SLC14A2: variants seen among roughly 807,000 people sequenced by gnomAD.
SLC14A2 encodes the protein urea transporter 2.
Under a neutral mutation model 104.6 loss-of-function variants are expected in SLC14A2, and 91 were observed. The ratio of observed to expected loss-of-function variants is 0.87; its 90% confidence interval spans 0.73 to 1.04. The LOEUF (loss-of-function observed/expected upper bound fraction) is 1.04. Among genes scored for constraint, SLC14A2 ranks in the 50% least tolerant of loss-of-function variants. SLC14A2 has a pLI of 0.00. For missense variants in SLC14A2, 1,189 were observed against 1,156.0 expected (o/e 1.03, Z -0.41); for synonymous variants, 476 against 466.4 (o/e 1.02, Z -0.27).
At chr18:45,534,637 G>A (rs557208160) in intron 2 of SLC14A2, among the ~76,000 whole-genome samples, 1 of 152,270 alleles carries the variant, frequency 6.6e-6, no homozygotes, top group South Asian at 2.1e-4. Flanking sequence ...ACATTTTACA[G>A]ATGCTCACTC....
At chr18:45,250,253 C>G (rs2084407507) in intron 1 of SLC14A2, among the ~76,000 whole-genome samples, 1 of 152,192 alleles carries the variant, frequency 6.6e-6, no homozygotes, top group Non-Finnish European at 1.5e-5. Context: ...AGCATTAGGT[C>G]CAGTTTGACT....
intron 1 of SLC14A2, among the ~76,000 whole-genome samples, chr18:45,414,763 T>A (rs376833245): frequency 0.049 from 1,646 of 33,730 alleles, 35 homozygotes; most frequent in African/African-American, 0.084. Flanking sequence ...AAAAAATATA[T>A]ATATATATAT....
intron 2 of SLC14A2, among the ~76,000 whole-genome samples, chr18:45,544,786 CTT>C (rs71373715): frequency 0.067 from 5,885 of 88,480 alleles, 52 homozygotes; most frequent in East Asian, 0.16. Context: ...TCAATAATGT[CTT>C]TTTTTTTTTT....
At chr18:45,404,485 C>A (rs1055417828) in intron 1 of SLC14A2, among the ~76,000 whole-genome samples, 2 of 152,154 alleles carry the variant, frequency 1.3e-5, no homozygotes, top group Admixed American at 1.3e-4. Context: ...TTACTTCATA[C>A]CTGCTAGAAT....
chr18:45,487,830 C>A (rs575701706), intron 2 of SLC14A2, among the ~76,000 whole-genome samples: 48 of 152,216 alleles, frequency 3.2e-4, no homozygotes, highest in African/African-American at 1.1e-3. Flanking sequence ...CCACATCAAG[C>A]AGTCACAGGA....
intron 1 of SLC14A2, among the ~76,000 whole-genome samples, chr18:45,218,090 C>G (rs1009901009): frequency 6.6e-5 from 10 of 152,160 alleles, no homozygotes; most frequent in African/African-American, 2.4e-4. Flanking sequence ...TAAGCACATT[C>G]ACATTGTTGT....
intron 1 of SLC14A2, among the ~76,000 whole-genome samples, chr18:45,347,656 AT>A (rs371954805): frequency 6.6e-5 from 10 of 152,310 alleles, no homozygotes; most frequent in African/African-American, 2.2e-4. Flanking sequence ...CTAAGTCTTT[AT>A]ATTGGAAGGT....
chr18:45,431,977 A>G (rs1202723173), intron 1 of SLC14A2, among the ~76,000 whole-genome samples: 8 of 152,178 alleles, frequency 5.3e-5, no homozygotes, highest in African/African-American at 1.9e-4. Context: ...AGGCAGTACA[A>G]TGGCAGAACT....
chr18:45,652,949 T>G (rs755388258), intron 10 of SLC14A2, among the ~76,000 whole-genome samples: 8 of 152,048 alleles, frequency 5.3e-5, no homozygotes, highest in African/African-American at 7.2e-5. Context: ...CTTTTCAAAT[T>G]AATGACATAT....
At chr18:45,223,976 T>C (rs1028498095) in intron 1 of SLC14A2, among the ~76,000 whole-genome samples, 2 of 152,236 alleles carry the variant, frequency 1.3e-5, no homozygotes, top group African/African-American at 4.8e-5. Context: ...CCTTTGATTT[T>C]ATTCCCCTCC....
chr18:45,570,088 G>A (rs2543026), intron 2 of SLC14A2, among the ~76,000 whole-genome samples: 54,046 of 152,064 alleles, frequency 0.36, 9,798 homozygotes, highest in African/African-American at 0.38. Flanking sequence ...GCAAGTGTGT[G>A]GCATTGAGGG....
At chr18:45,247,371 A>T (rs1329712139) in intron 1 of SLC14A2, among the ~76,000 whole-genome samples, 1 of 152,236 alleles carries the variant, frequency 6.6e-6, no homozygotes, top group Admixed American at 6.5e-5. Context: ...AGAAATGCTG[A>T]TAAGGAGAGT....
rs746628050 is a variant in SLC14A2 at position 45,641,294 on chromosome 18, C to T, written c.1077C>T (p.Gly359=). ...TCCTCTCCTGCATCGCCATCGGAGG[C>T]ATGTTCTATGCCCTCACCTGGCAGA... ...NCVLSCIAIG[G]MFYALTWQTH... is the part of the protein sequence containing the mutation. Residue 359 remains glycine (G), a synonymous_variant, in exon 8 of 20, where the codon GGC becomes GGT. Coordinates refer to ENST00000255226, the MANE Select transcript of SLC14A2 (RefSeq NM_007163.4). 1.2e-5 allele frequency: 20 copies of T among 1,614,098 alleles called. No homozygotes were observed. Among genetic ancestry groups the T allele is most frequent in the Admixed American group, 1.7e-5 (1 of 60,006 alleles).
intron 2 of SLC14A2, among the ~76,000 whole-genome samples, chr18:45,522,285 C>A (rs1449393232): frequency 6.6e-6 from 1 of 152,148 alleles, no homozygotes; most frequent in Non-Finnish European, 1.5e-5. Flanking sequence ...GCCTTGCTAT[C>A]CAAAACAGCT....
intron 2 of SLC14A2, among the ~76,000 whole-genome samples, chr18:45,567,230 A>AC (rs1405995842): frequency 1.3e-5 from 2 of 151,760 alleles, no homozygotes; most frequent in Non-Finnish European, 2.9e-5. Flanking sequence ...GCCAACGCCC[A>AC]CCCCCACCAT....
At chr18:45,581,090 A>G (rs908143937) in intron 2 of SLC14A2, among the ~76,000 whole-genome samples, 2 of 152,200 alleles carry the variant, frequency 1.3e-5, no homozygotes, top group Admixed American at 6.5e-5. Context: ...TGCTTTCTCC[A>G]TGAATTGTCA....
intron 1 of SLC14A2, among the ~76,000 whole-genome samples, chr18:45,332,916 A>G (rs2085303799): frequency 6.6e-6 from 1 of 152,202 alleles, no homozygotes; most frequent in Non-Finnish European, 1.5e-5. Flanking sequence ...CGCCTTTGGG[A>G]GCAAATGCAG....
At chr18:45,371,817 A>G (rs1340206579) in intron 1 of SLC14A2, among the ~76,000 whole-genome samples, 1 of 152,218 alleles carries the variant, frequency 6.6e-6, no homozygotes, top group Admixed American at 6.5e-5. Flanking sequence ...TTTTCCAAAT[A>G]CTAAACTTTC....
At chr18:45,204,811 A>T in the SLC14A2 span, among the ~76,000 whole-genome samples, 4 of 26,876 alleles carry the variant, frequency 1.5e-4, no homozygotes, top group Admixed American at 5.3e-4. Flanking sequence ...TCACTGAGAT[A>T]AAAAAAAAAA....
Sources: allele counts gnomAD v4.1 joint callset (sites outside exome capture counted in the v4.1 genomes callset), GRCh38; gene constraint gnomAD v4.1.1; transcripts MANE v1.5; gene names NCBI Gene and HGNC (gene_info 2026-07-23, HGNC 2026-07-21).